The following ATAD3B variants were observed in gnomAD, a reference collection of about 807,000 sequenced individuals.
ATAD3B encodes ATPase family AAA domain-containing protein 3B.
ATAD3B carries 59 observed loss-of-function variants against 70.2 expected under a neutral mutation model. That is an observed-to-expected ratio of 0.84 (90% CI 0.68 to 1.04). The LOEUF is 1.04. Among genes scored for constraint, ATAD3B ranks in the 50% least tolerant of loss-of-function variants. The pLI, the probability that ATAD3B is intolerant of heterozygous loss-of-function variation, is 0.00. For synonymous variants in ATAD3B, 423 were observed against 388.6 expected (o/e 1.09, Z -1.04); for missense variants, 961 against 913.4 (o/e 1.05, Z -0.67).
intron 4 of ATAD3B, among the ~76,000 whole-genome samples, chr1:1,479,465 C>A (rs1410957054): frequency 3.5e-5 from 5 of 142,810 alleles, no homozygotes; most frequent in African/African-American, 1.1e-4. Context: ...TGGGCCCACA[C>A]ACACACACCC....
intron 1 of ATAD3B, among the ~76,000 whole-genome samples, chr1:1,474,602 C>T (rs1639500447): frequency 6.6e-6 from 1 of 151,956 alleles, no homozygotes; most frequent in African/African-American, 2.4e-5. Flanking sequence ...GGGGTTCAAG[C>T]GATTCTCCTG....
In ATAD3B at chr1:1,496,382, C is replaced by G. The variant is rs1326420264; in HGVS notation, c.*565C>G. On this transcript the variant is annotated 3_prime_UTR_variant, in exon 16 of 16. Coordinates refer to ENST00000673477, the MANE Select transcript of ATAD3B (RefSeq NM_031921.6). Reference sequence around the variant, plus strand: ...ATCCGAGTTGGGGTCTGAATGCTGCCCGGGACTGCCGCCTGCGCCCCACCA... The same window carrying G: ...ATCCGAGTTGGGGTCTGAATGCTGCGCGGGACTGCCGCCTGCGCCCCACCA... 2.4e-6 allele frequency: 1 copy of G among 415,784 alleles called. No individual in the cohort carries two copies. Among genetic ancestry groups the G allele is most frequent in the African/African-American group, 2.2e-5 (1 of 46,420 alleles). The allele number at this position is 415,784 out of a possible 1,614,324, so 25.8% of individuals were successfully genotyped here.
chr1:1,486,244 G>A lies in ATAD3B; in HGVS notation c.1089+9G>A, dbSNP rs375993225. On this transcript the variant is annotated intron_variant, in intron 10 of 15. Transcript: ENST00000673477. ...AGACGCTGTTTGCCAAGGTGAGAGC[G>A]CCTGGCTGAACAGGTGGGCCAGGGG... The A allele has an allele frequency of 1.3e-5, 21 of 1,612,560 alleles. No homozygotes were observed. Among genetic ancestry groups the A allele is most frequent in the African/African-American group, 2.7e-5 (2 of 74,874 alleles).
chr1:1,506,227 T>A, the ATAD3B span, among the ~76,000 whole-genome samples: 3 of 151,414 alleles, frequency 2.0e-5, no homozygotes, highest in Non-Finnish European at 4.4e-5. Flanking sequence ...AGAGTGAGAC[T>A]CCCTCGCAAA....
At chr1:1,480,444 T>G (rs1305937959) in intron 4 of ATAD3B, among the ~76,000 whole-genome samples, 1 of 146,746 alleles carries the variant, frequency 6.8e-6, no homozygotes, top group Non-Finnish European at 1.5e-5. Flanking sequence ...TTGGGTGACA[T>G]CTGTTCCCTG....
the ATAD3B span, among the ~76,000 whole-genome samples, chr1:1,506,463 C>T: frequency 1.4e-5 from 2 of 147,242 alleles, no homozygotes; most frequent in Non-Finnish European, 3.0e-5. Flanking sequence ...GGAGTGCAGT[C>T]GTCGGCCAGG....
At position 1,496,180 on chromosome 1, in the gene ATAD3B, A is replaced by G; in HGVS notation, c.*363A>G. ...GGCTGGAGCTGGTGTGTGTTTATCT[A>G]ATAAAGTCCCACAGGTGCCTCACCG... On this transcript the variant is annotated 3_prime_UTR_variant, in exon 16 of 16. Coordinates refer to ENST00000673477, the MANE Select transcript of ATAD3B (RefSeq NM_031921.6). 9.6e-7 allele frequency: 1 copy of G among 1,039,548 alleles called. No individual in the cohort carries two copies. Among genetic ancestry groups the G allele is most frequent in the Non-Finnish European group, 1.2e-6 (1 of 864,746 alleles). The allele number at this position is 1,039,548 out of a possible 1,614,324, so 64.4% of individuals were successfully genotyped here.
In ATAD3B at chr1:1,485,153, G is replaced by A. The variant is rs780184422; in HGVS notation, c.888G>A (p.Ala296=). The A allele has an allele frequency of 1.1e-5, 18 of 1,610,268 alleles. No homozygotes were observed. The highest frequency in any genetic ancestry group is 1.4e-5 in the Non-Finnish European group (16 of 1,179,494). ...CGTCCCGCATCACGGTGCTGGAGGC[G>A]CTGCGGCACCCCATCCAGGTAGCGG... ...RETSRITVLE[A]LRHPIQVSRR... The change falls in exon 8 of 16, where the codon GCG becomes GCA. Residue 296 remains alanine, a synonymous_variant. Coordinates refer to ENST00000673477, the MANE Select transcript of ATAD3B (RefSeq NM_031921.6).
At chr1:1,507,634 G>C in the ATAD3B span, among the ~76,000 whole-genome samples, 1 of 152,156 alleles carries the variant, frequency 6.6e-6, no homozygotes, top group Non-Finnish European at 1.5e-5. Context: ...GCTCATCAAG[G>C]ATATTGGCCT....
intron 15 of ATAD3B, among the ~76,000 whole-genome samples, chr1:1,494,074 G>A (rs1640660590): frequency 1.3e-5 from 2 of 151,994 alleles, no homozygotes; most frequent in Admixed American, 6.6e-5. Flanking sequence ...AAGATCTTAG[G>A]TTCCCAGAAA....
chr1:1,503,245 A>T, the ATAD3B span: 1 of 202,300 alleles, frequency 4.9e-6, no homozygotes, highest in Non-Finnish European at 1.0e-5. Flanking sequence ...AAAAAGTAAA[A>T]GCATATGTAT....
the ATAD3B span, chr1:1,503,762 C>CATG: frequency 1.3e-6 from 2 of 1,528,668 alleles, no homozygotes; most frequent in African/African-American, 2.7e-5. Context: ...GTGGCATGTA[C>CATG]ATGGGCAGCA....
At chr1:1,484,761 G>GAA in intron 7 of ATAD3B, 3 of 1,057,256 alleles carry the variant, frequency 2.8e-6, no homozygotes, top group Non-Finnish European at 3.9e-6. Flanking sequence ...CTCAGCGACC[G>GAA]AGGCTTTCTA....
downstream of ATAD3B, among the ~76,000 whole-genome samples, chr1:1,498,945 G>T (rs936828776): frequency 6.6e-6 from 1 of 151,268 alleles, no homozygotes; most frequent in African/African-American, 2.4e-5. Flanking sequence ...GACACAGGTA[G>T]CCCCTACTGC....
At chr1:1,485,450 C>T (rs979342933) in intron 8 of ATAD3B, among the ~76,000 whole-genome samples, 2 of 152,034 alleles carry the variant, frequency 1.3e-5, no homozygotes, top group African/African-American at 4.8e-5. Context: ...CTTGGGTGTG[C>T]GGCCGTCTGT....
chr1:1,498,400 G>T (rs1228966104), downstream of ATAD3B, among the ~76,000 whole-genome samples: 3 of 151,998 alleles, frequency 2.0e-5, no homozygotes, highest in Non-Finnish European at 2.9e-5. Context: ...GGGAGGCAGA[G>T]GTGACAGCCG....
chr1:1,509,438 C>T, the ATAD3B span: 1 of 1,597,360 alleles, frequency 6.3e-7, no homozygotes, highest in South Asian at 1.1e-5. Context: ...AGGAAATACT[C>T]CCCGTAATAA....
At position 1,472,299 on chromosome 1, in the gene ATAD3B, C is replaced by G. The variant is rs539039904; in HGVS notation, c.205+210C>G. 6.6e-5 allele frequency among the ~76,000 whole-genome samples: 10 copies of G among 152,082 alleles called. No individual in the cohort carries two copies. In the East Asian group the frequency reaches 1.4e-3, roughly 21 times the overall value. On this transcript the variant is annotated intron_variant, in intron 1 of 15. Coordinates refer to ENST00000673477, the MANE Select transcript of ATAD3B (RefSeq NM_031921.6). ...TTTGCACCTCTGCAGCTGTCAGGAG[C>G]GGGTCAGGTGCGAAAAGCGGTGCGG...
intron 2 of ATAD3B, chr1:1,478,342 C>A: frequency 7.7e-7 from 1 of 1,293,688 alleles, no homozygotes. Context: ...GCCCTCATCA[C>A]AGTCCAAAAG....
Sources: gnomAD v4.1 joint callset for allele counts (sites outside exome capture counted in the v4.1 genomes callset) on GRCh38, gnomAD v4.1.1 for gene constraint, MANE v1.5 for transcripts, NCBI Gene and HGNC (gene_info 2026-07-23, HGNC 2026-07-21) for gene names.